The following RFX4 variants were observed in gnomAD, a reference collection of about 807,000 sequenced individuals.
The protein encoded by RFX4 is regulatory factor X4.
Under a neutral mutation model 95.0 loss-of-function variants are expected in RFX4, and 10 were observed. The observed-to-expected ratio is 0.11, with a 90% confidence interval of 0.06 to 0.18. The LOEUF (loss-of-function observed/expected upper bound fraction) is 0.18, where lower values mean the gene tolerates loss of function less well. Among genes scored for constraint, RFX4 ranks in the 10% least tolerant of loss-of-function variants. RFX4 has a pLI of 1.00. For synonymous variants in RFX4, 321 were observed against 340.7 expected, an observed-to-expected ratio of 0.94 and a Z score of 0.64; for missense variants, 640 against 922.0, an observed-to-expected ratio of 0.69 and a Z score of 3.96.
Position 106,720,760 on chromosome 12 carries a change from T to G in RFX4, c.1235T>G (p.Val412Gly), listed in dbSNP as rs1165670085. The G allele has an allele frequency of 2.5e-6, 4 of 1,613,784 alleles. No homozygotes were observed. The highest frequency in any genetic ancestry group is 3.4e-6 in the Non-Finnish European group (4 of 1,179,906). ...TTAAAGCCATTTACTTTCTTGTAGGTGGCTGCCAAGAGACAAGGGTCCTTG... is the reference window on the plus strand; with the variant it reads ...TTAAAGCCATTTACTTTCTTGTAGGGGGCTGCCAAGAGACAAGGGTCCTTG... ...DTMVDRCVVK[V>G]AAKRQGSLKK... Residue 412 changes from valine (V) to glycine (G), a missense_variant and splice_region_variant, in exon 13 of 18, where the codon GTG becomes GGG. Val to Gly is a moderately radical substitution (Grantham distance 109, BLOSUM62 -3). Around this residue, in one of 7 missense-constraint regions of RFX4, gnomAD observed 72 missense variants for 80.5 expected, o/e 0.89. Coordinates refer to ENST00000392842, the MANE Select transcript of RFX4 (RefSeq NM_213594.3). This position sits in a 1 kb window ranked among gnomAD's most constrained non-coding sequence, Gnocchi z 4.2.
chr12:106,693,239 G>A (rs2041819689), intron 7 of RFX4: 1 of 253,576 alleles, frequency 3.9e-6, no homozygotes, highest in South Asian at 4.0e-5. Flanking sequence ...GACCTAAAAT[G>A]CAGAGTAGAA....
At chr12:106,624,554 C>G (rs1293892304) in intron 2 of RFX4, among the ~76,000 whole-genome samples, 1 of 152,086 alleles carries the variant, frequency 6.6e-6, no homozygotes, top group Non-Finnish European at 1.5e-5. Flanking sequence ...GTCTCAATCT[C>G]TTGACCTCAT....
At chr12:106,755,303 C>G (rs1468236520) in intron 17 of RFX4, among the ~76,000 whole-genome samples, 2 of 152,136 alleles carry the variant, frequency 1.3e-5, no homozygotes. Flanking sequence ...GCCATGTTGA[C>G]CAGACATGTC....
At chr12:106,686,814 A>T in intron 5 of RFX4, 70 bp from the exon 6 acceptor site, 1 of 1,448,458 alleles carries the variant, frequency 6.9e-7, no homozygotes, top group Non-Finnish European at 9.5e-7. Flanking sequence ...AACCTCACTT[A>T]ATAACAGTGC....
chr12:106,738,897 T>C (rs1214053964), intron 15 of RFX4, among the ~76,000 whole-genome samples: 2 of 152,184 alleles, frequency 1.3e-5, no homozygotes, highest in African/African-American at 2.4e-5. Flanking sequence ...TAAATTTTCA[T>C]TGAACAATAG....
intron 11 of RFX4, among the ~76,000 whole-genome samples, chr12:106,715,893 G>T (rs1280192578): frequency 6.6e-6 from 1 of 152,162 alleles, no homozygotes; most frequent in African/African-American, 2.4e-5. Flanking sequence ...TGTCAGCCTG[G>T]GGTCAGCTGG....
intron 2 of RFX4, among the ~76,000 whole-genome samples, chr12:106,631,333 A>G (rs1031312877): frequency 2.6e-5 from 4 of 152,174 alleles, no homozygotes; most frequent in Non-Finnish European, 4.4e-5. Context: ...CGACCCTACC[A>G]CATGTGGGTG....
At chr12:106,753,825 T>C (rs894535964) in intron 17 of RFX4, among the ~76,000 whole-genome samples, 1 of 152,216 alleles carries the variant, frequency 6.6e-6, no homozygotes, top group Admixed American at 6.5e-5. Context: ...TATGGTGTGC[T>C]GAGCACGCTC....
chr12:106,659,440 T>TA (rs1408354437), intron 4 of RFX4, among the ~76,000 whole-genome samples: 1 of 152,194 alleles, frequency 6.6e-6, no homozygotes, highest in Non-Finnish European at 1.5e-5. Flanking sequence ...GAAACAAACA[T>TA]ACGGTAATAG....
intron 1 of RFX4, among the ~76,000 whole-genome samples, chr12:106,594,898 A>G (rs1368986833): frequency 1.3e-5 from 2 of 152,006 alleles, no homozygotes; most frequent in Admixed American, 6.6e-5. Context: ...GGAGAAAGAG[A>G]GGGAGGGGGA....
intron 4 of RFX4, among the ~76,000 whole-genome samples, chr12:106,679,083 A>C (rs888979648): frequency 2.0e-5 from 3 of 152,240 alleles, no homozygotes; most frequent in Non-Finnish European, 4.4e-5. Context: ...CAGCCATCTG[A>C]GTATTCCAGT....
In RFX4 at chr12:106,761,197, T is replaced by C. The variant is rs1414023450; in HGVS notation, c.1936T>C (p.Tyr646His). 1 of 1,609,510 alleles carries C rather than the reference T, an allele frequency of 6.2e-7. No homozygotes were observed. The highest frequency in any genetic ancestry group is 1.7e-5 in the Admixed American group (1 of 59,916). The change falls in exon 18 of 18, where the codon TAC (tyrosine) becomes CAC (histidine). Residue 646 changes from tyrosine (Y) to histidine (H), a missense_variant and splice_region_variant. By Grantham distance (83) the Tyr-to-His change is moderately conservative. This residue lies in a region of RFX4 where 300 missense variants were observed against 346.8 expected (regional missense o/e 0.87). Coordinates refer to ENST00000392842, the MANE Select transcript of RFX4 (RefSeq NM_213594.3). ...GTGGAATTTCTTTCCCCTCAACAAG[T>C]ACCCTTTTAATAGCCCCACTTCCCG... Reference protein sequence around the residue: ...YAPYHRSSAQYPFNSPTSRME... With the variant: ...YAPYHRSSAQHPFNSPTSRME...
intron 3 of RFX4, among the ~76,000 whole-genome samples, chr12:106,644,233 T>C (rs991434835): frequency 3.4e-5 from 5 of 146,440 alleles, no homozygotes; most frequent in African/African-American, 1.3e-4. Flanking sequence ...ATTTCCCCTT[T>C]TTTTTTTTTT....
At chr12:106,683,783 G>C (rs1319740503) in intron 5 of RFX4, 1 of 152,212 alleles carries the variant, frequency 6.6e-6, no homozygotes, top group Non-Finnish European at 1.5e-5. Flanking sequence ...ACAGTAAAGA[G>C]AGAGCAGAAA....
intron 16 of RFX4, among the ~76,000 whole-genome samples, chr12:106,747,856 A>G (rs1459837689): frequency 2.6e-5 from 4 of 150,984 alleles, no homozygotes; most frequent in Non-Finnish European, 5.9e-5. Context: ...TGAACCTGAG[A>G]GGCAGAGGTT....
Position 106,613,277 on chromosome 12 carries a change from A to G in RFX4, c.130+4394A>G, listed in dbSNP as rs548754605. ...ATGCCAGACCATCCTTGCATTCAAG[A>G]AATATATCCCATTTGGTCATGATCT... On this transcript the variant is annotated intron_variant, in intron 2 of 17. Coordinates refer to ENST00000392842, the MANE Select transcript of RFX4 (RefSeq NM_213594.3). Among the ~76,000 whole-genome samples the G allele has an allele frequency of 6.0e-5, 9 of 150,558 alleles. No homozygotes were observed. In the East Asian group the frequency reaches 1.8e-3, roughly 30 times the overall value.
At chr12:106,667,493 A>G (rs868784054) in intron 4 of RFX4, among the ~76,000 whole-genome samples, 1 of 152,198 alleles carries the variant, frequency 6.6e-6, no homozygotes, top group African/African-American at 2.4e-5. Context: ...TCCTAGAGGT[A>G]CATCTCTCAA....
At chr12:106,714,486 T>A (rs2042252725) in intron 10 of RFX4, among the ~76,000 whole-genome samples, 1 of 152,232 alleles carries the variant, frequency 6.6e-6, no homozygotes, top group African/African-American at 2.4e-5. Flanking sequence ...TTTGTCAGTA[T>A]TTACCTTTGC....
intron 4 of RFX4, among the ~76,000 whole-genome samples, chr12:106,663,028 G>T (rs1428192682): frequency 6.6e-6 from 1 of 151,976 alleles, no homozygotes; most frequent in Non-Finnish European, 1.5e-5. Context: ...TCAATATCAG[G>T]CTGACTATTC....
Sources: allele counts gnomAD v4.1 joint callset (sites outside exome capture counted in the v4.1 genomes callset), GRCh38; gene constraint gnomAD v4.1.1; regional missense constraint gnomAD v4.1.1; non-coding constraint Gnocchi (gnomAD v3.1); transcripts MANE v1.5; gene names NCBI Gene and HGNC (gene_info 2026-07-23, HGNC 2026-07-21).